Variants in SEZ6L observed in about 807,000 individuals in gnomAD.
SEZ6L encodes seizure related 6 homolog like.
In SEZ6L, 37 loss-of-function variants were observed where a neutral mutation model predicts 106.2. The observed-to-expected ratio is 0.35, with a 90% CI of 0.27 to 0.46. The LOEUF is 0.46. Ranked by LOEUF, SEZ6L falls within the 20% of genes least tolerant of loss-of-function variation. The probability of loss-of-function intolerance (pLI) is 1.00; values close to 1 mark genes in which losing one functional copy is unlikely to be tolerated. For synonymous variants in SEZ6L, 541 were observed against 570.4 expected (o/e 0.95, Z 0.73); for missense variants, 1,172 against 1,332.8 (o/e 0.88, Z 1.88).
At chr22:26,360,581 C>T (rs767023125) in intron 12 of SEZ6L, among the ~76,000 whole-genome samples, 4 of 152,154 alleles carry the variant, frequency 2.6e-5, no homozygotes, top group Non-Finnish European at 4.4e-5. Context: ...GTCGCCACTG[C>T]CACCTGCTGG....
intron 9 of SEZ6L, among the ~76,000 whole-genome samples, chr22:26,333,872 G>A (rs1215296755): frequency 2.6e-5 from 4 of 152,170 alleles, no homozygotes; most frequent in Non-Finnish European, 5.9e-5. Flanking sequence ...CCCAGGTGGA[G>A]AATTCAGAGC....
chr22:26,342,402 C>T (rs1305965709), intron 10 of SEZ6L, among the ~76,000 whole-genome samples: 1 of 152,078 alleles, frequency 6.6e-6, no homozygotes, highest in Non-Finnish European at 1.5e-5. Context: ...AAGAATTGTC[C>T]ATCTCGGCCG....
intron 13 of SEZ6L, among the ~76,000 whole-genome samples, chr22:26,366,639 CAG>C (rs1179485629): frequency 6.6e-6 from 1 of 151,980 alleles, no homozygotes; most frequent in African/African-American, 2.4e-5. Flanking sequence ...TCCCAGGAGA[CAG>C]AGGTTGCAAT....
chr22:26,184,432 G>T (rs1048730650), intron 1 of SEZ6L, among the ~76,000 whole-genome samples: 4 of 152,128 alleles, frequency 2.6e-5, no homozygotes, highest in African/African-American at 9.7e-5. Flanking sequence ...GCCTGCTCTA[G>T]TCTTAGTATT....
chr22:26,242,659 C>T (rs1040734045), intron 1 of SEZ6L: 1 of 152,146 alleles, frequency 6.6e-6, no homozygotes, highest in African/African-American at 2.4e-5. Flanking sequence ...ATGCTGGGGC[C>T]TCGGATTAAC....
chr22:26,273,699 T>C (rs1177489585), intron 1 of SEZ6L, among the ~76,000 whole-genome samples: 1 of 152,102 alleles, frequency 6.6e-6, no homozygotes, highest in Non-Finnish European at 1.5e-5. Context: ...GTAGAGATGA[T>C]GTGTTATGCA....
In SEZ6L at chr22:26,289,956, G is replaced by T. The variant is rs139076829; in HGVS notation, c.95-2450G>T. Among the ~76,000 whole-genome samples, 112 of 152,322 alleles carry T rather than the reference G, an allele frequency of 7.4e-4. No individual in the cohort carries two copies. In the East Asian group the frequency reaches 0.019, roughly 25 times the overall value. ...TGCTCCAGTTTCCTGCCGAGGGGCTGTGATTGCAATGACAAGAGTAAAAAC... is the reference window on the plus strand; with the variant it reads ...TGCTCCAGTTTCCTGCCGAGGGGCTTTGATTGCAATGACAAGAGTAAAAAC... On this transcript the variant is annotated intron_variant, in intron 1 of 16. Transcript: ENST00000248933.
chr22:26,261,116 G>T (rs1270837889), intron 1 of SEZ6L, among the ~76,000 whole-genome samples: 2 of 152,052 alleles, frequency 1.3e-5, no homozygotes, highest in African/African-American at 4.8e-5. Flanking sequence ...TAAGTTCATT[G>T]TAGATTATGG....
At chr22:26,257,776 C>T (rs1207394) in intron 1 of SEZ6L, among the ~76,000 whole-genome samples, 54,956 of 151,854 alleles carry the variant, frequency 0.36, 10,234 homozygotes, top group East Asian at 0.62. Flanking sequence ...TGCCGCTCAC[C>T]GATCTGGAGG....
At chr22:26,255,025 C>T (rs2145803343) in intron 1 of SEZ6L, among the ~76,000 whole-genome samples, 1 of 152,256 alleles carries the variant, frequency 6.6e-6, no homozygotes, top group South Asian at 2.1e-4. Context: ...CCAGCAGAGC[C>T]AACCTGGGAT....
intron 16 of SEZ6L, among the ~76,000 whole-genome samples, chr22:26,378,614 A>G (rs667577): frequency 0.71 from 107,716 of 152,106 alleles, 38,563 homozygotes; most frequent in East Asian, 0.98. Flanking sequence ...GGAAGGCATC[A>G]TTGAGAAAGT....
intron 1 of SEZ6L, among the ~76,000 whole-genome samples, chr22:26,226,919 G>T (rs901022028): frequency 6.6e-6 from 1 of 152,184 alleles, no homozygotes; most frequent in Non-Finnish European, 1.5e-5. Flanking sequence ...ACACAATAAA[G>T]ATGAGAGAGC....
chr22:26,204,374 G>A (rs909002440), intron 1 of SEZ6L, among the ~76,000 whole-genome samples: 6 of 152,130 alleles, frequency 3.9e-5, no homozygotes, highest in African/African-American at 1.4e-4. Context: ...CACAAATATA[G>A]CACTTACTAC....
chr22:26,369,722 C>T (rs1462871520), intron 13 of SEZ6L, among the ~76,000 whole-genome samples: 5 of 152,078 alleles, frequency 3.3e-5, no homozygotes, highest in Non-Finnish European at 7.4e-5. Flanking sequence ...TTCAAGACAG[C>T]TGCCTTCCCT....
chr22:26,370,301 C>G (rs1262198025), intron 13 of SEZ6L, among the ~76,000 whole-genome samples: 2 of 151,990 alleles, frequency 1.3e-5, no homozygotes, highest in Non-Finnish European at 2.9e-5. Flanking sequence ...AGGACAATGG[C>G]GTGAACGTGG....
rs191483118 is a variant in SEZ6L, at chr22:26,357,899, C to T, written c.2599+6656C>T. Among the ~76,000 whole-genome samples, 67 of 152,256 alleles carry T rather than the reference C, an allele frequency of 4.4e-4. No homozygotes were observed. In the East Asian group the frequency reaches 0.011, roughly 26 times the overall value. On this transcript the variant is annotated intron_variant, in intron 12 of 16. Transcript: ENST00000248933. ...AAAACTAAAAAGAATCTGACAAATC[C>T]GGCAAGGGTTTTATGAGTGGCTCTC...
intron 9 of SEZ6L, among the ~76,000 whole-genome samples, chr22:26,323,683 T>A (rs1312975943): frequency 6.6e-6 from 1 of 152,208 alleles, no homozygotes; most frequent in Non-Finnish European, 1.5e-5. Flanking sequence ...ATAAGGTTTC[T>A]GACACAAGAT....
rs5761414 is a variant in SEZ6L at position 26,219,593 on chromosome 22, T to A, written c.94+49830T>A. Reference sequence around the variant, plus strand: ...ATTAACCACTTTCTAAGGGCATTTTTAAAAATCTGAGGCCATGAGAAAAAG... The same window carrying A: ...ATTAACCACTTTCTAAGGGCATTTTAAAAAATCTGAGGCCATGAGAAAAAG... On this transcript the variant is annotated intron_variant, in intron 1 of 16. Coordinates refer to ENST00000248933, the MANE Select transcript of SEZ6L (RefSeq NM_021115.5). Among the ~76,000 whole-genome samples, 495 of 152,232 alleles carry A rather than the reference T, an allele frequency of 3.3e-3. 13 individuals carry two copies. The South Asian group carries it at 0.061, about 19-fold the overall frequency.
intron 10 of SEZ6L, among the ~76,000 whole-genome samples, chr22:26,346,025 G>GTTT (rs5844689): frequency 2.7e-5 from 4 of 149,784 alleles, no homozygotes; most frequent in African/African-American, 7.4e-5. Context: ...TGTTCAAATT[G>GTTT]TTTTTTTTTT....
Sources: allele counts gnomAD v4.1 joint callset (sites outside exome capture counted in the v4.1 genomes callset), GRCh38; gene constraint gnomAD v4.1.1; transcripts MANE v1.5; gene names NCBI Gene and HGNC (gene_info 2026-07-23, HGNC 2026-07-21).